The following SEMA3A variants were observed in gnomAD, a reference collection of about 807,000 sequenced individuals.
SEMA3A encodes semaphorin-3A.
SEMA3A carries 29 observed loss-of-function variants against 97.9 expected under a neutral mutation model. The observed-to-expected ratio is 0.30, with a 90% CI of 0.22 to 0.40. The LOEUF (loss-of-function observed/expected upper bound fraction) is 0.40. Among genes scored for constraint, SEMA3A ranks in the 10% least tolerant of loss-of-function variants. The pLI is 1.00. For missense variants in SEMA3A, 763 were observed against 951.3 expected, an observed-to-expected ratio of 0.80 and a Z score of 2.60; for synonymous variants, 321 against 323.7, an observed-to-expected ratio of 0.99 and a Z score of 0.09.
At chr7:84,251,879 T>C (rs1272342614) in intron 3 of SEMA3A, among the ~76,000 whole-genome samples, 1 of 150,994 alleles carries the variant, frequency 6.6e-6, no homozygotes, top group Non-Finnish European at 1.5e-5. Context: ...ATTAATATAA[T>C]CACTAATGTG....
intron 2 of SEMA3A, among the ~76,000 whole-genome samples, chr7:84,356,420 A>G (rs758103579): frequency 4.6e-5 from 7 of 151,538 alleles, no homozygotes; most frequent in African/African-American, 1.7e-4. Context: ...ATAGCACTCT[A>G]CTTTTTAACA....
chr7:84,123,995 C>T (rs1223077032), intron 3 of SEMA3A, among the ~76,000 whole-genome samples: 2 of 151,964 alleles, frequency 1.3e-5, no homozygotes, highest in Non-Finnish European at 2.9e-5. Context: ...TATATTATCC[C>T]AGCTGCATGA....
At chr7:84,297,234 C>T (rs184449299) in intron 3 of SEMA3A, among the ~76,000 whole-genome samples, 55 of 152,252 alleles carry the variant, frequency 3.6e-4, no homozygotes, top group African/African-American at 1.3e-3. Flanking sequence ...GCCTTGGCCT[C>T]CCAAAGTTCT....
intron 3 of SEMA3A, among the ~76,000 whole-genome samples, chr7:84,206,739 C>G (rs1388458258): frequency 6.6e-6 from 1 of 152,028 alleles, no homozygotes. Context: ...CCAGCCCAGC[C>G]TCCCAAAGTG....
chr7:84,337,843 A>G (rs1802074957), intron 2 of SEMA3A, among the ~76,000 whole-genome samples: 1 of 152,230 alleles, frequency 6.6e-6, no homozygotes, highest in Non-Finnish European at 1.5e-5. Context: ...AGAAAGAACA[A>G]AAGCATACAT....
chr7:84,136,444 T>G (rs1796127021), intron 1 of SEMA3A, among the ~76,000 whole-genome samples: 1 of 152,218 alleles, frequency 6.6e-6, no homozygotes, highest in Non-Finnish European at 1.5e-5. Context: ...CCTATCCCAG[T>G]ACTTCTCATG....
At chr7:84,217,237 A>T (rs1798772627) in intron 3 of SEMA3A, among the ~76,000 whole-genome samples, 1 of 152,218 alleles carries the variant, frequency 6.6e-6, no homozygotes, top group African/African-American at 2.4e-5. Flanking sequence ...TCAAGCAAAA[A>T]TTAATTAATT....
intron 1 of SEMA3A, among the ~76,000 whole-genome samples, chr7:84,395,291 C>G (rs1803696422): frequency 6.6e-6 from 1 of 151,714 alleles, no homozygotes; most frequent in Non-Finnish European, 1.5e-5. Flanking sequence ...AATGCAAAAT[C>G]TACACTAAAA....
At chr7:84,425,836 A>T (rs994257563) in intron 1 of SEMA3A, among the ~76,000 whole-genome samples, 3 of 120,716 alleles carry the variant, frequency 2.5e-5, no homozygotes, top group Admixed American at 1.0e-4. Context: ...TATATATATA[A>T]TATATAATGT....
At chr7:84,022,073 A>AATT (rs1329009231) in intron 6 of SEMA3A, among the ~76,000 whole-genome samples, 1 of 152,164 alleles carries the variant, frequency 6.6e-6, no homozygotes, top group Non-Finnish European at 1.5e-5. Flanking sequence ...AATTCTTCAG[A>AATT]ATTAGATTTT....
intron 3 of SEMA3A, among the ~76,000 whole-genome samples, chr7:84,237,736 A>G (rs1243478062): frequency 2.6e-5 from 4 of 152,116 alleles, no homozygotes; most frequent in Non-Finnish European, 5.9e-5. Flanking sequence ...CTGAGTTTCA[A>G]TCACAGAACA....
chr7:84,116,013 GAA>G (rs1468271779), intron 3 of SEMA3A, among the ~76,000 whole-genome samples: 2 of 152,094 alleles, frequency 1.3e-5, no homozygotes, highest in Non-Finnish European at 2.9e-5. Flanking sequence ...AAAGAGAGAT[GAA>G]CTGCATCTTT....
chr7:84,091,374 A>AAGGG, intron 4 of SEMA3A, among the ~76,000 whole-genome samples: 1 of 151,204 alleles, frequency 6.6e-6, no homozygotes, highest in Non-Finnish European at 1.5e-5. Context: ...GAAAGGAAGG[A>AAGGG]AGGAAGGAAA....
At chr7:84,327,557 G>C (rs1035320983) in intron 2 of SEMA3A, among the ~76,000 whole-genome samples, 1 of 151,856 alleles carries the variant, frequency 6.6e-6, no homozygotes. Context: ...GAATGCATGA[G>C]AGCATGAAAA....
intron 15 of SEMA3A, among the ~76,000 whole-genome samples, chr7:83,975,946 G>C (rs369373066): frequency 6.6e-6 from 1 of 152,098 alleles, no homozygotes; most frequent in Non-Finnish European, 1.5e-5. Flanking sequence ...AGGGACAGTC[G>C]TAACATTTAC....
intron 1 of SEMA3A, among the ~76,000 whole-genome samples, chr7:84,152,190 G>A (rs566765514): frequency 6.6e-6 from 1 of 151,584 alleles, no homozygotes; most frequent in African/African-American, 2.4e-5. Flanking sequence ...TCCCATTACT[G>A]GGTATATACC....
chr7:84,268,249 ATGTGTGTGTGTGTGTGTGTG>A (rs66460940), intron 3 of SEMA3A, among the ~76,000 whole-genome samples: 1 of 130,948 alleles, frequency 7.6e-6, no homozygotes, highest in Non-Finnish European at 1.7e-5. Context: ...AGACATAAGC[ATGTGTGTGTGTGTGTGTGTG>A]TGTGTGTGTG....
chr7:84,195,164 G>A (rs902764603), upstream of SEMA3A: 1 of 152,114 alleles, frequency 6.6e-6, no homozygotes, highest in Non-Finnish European at 1.5e-5. Context: ...GGGAGAACAG[G>A]CGAGCTCAAC....
At chr7:84,406,762 A>C (rs1804102331) in intron 1 of SEMA3A, among the ~76,000 whole-genome samples, 1 of 152,216 alleles carries the variant, frequency 6.6e-6, no homozygotes, top group Non-Finnish European at 1.5e-5. Context: ...AAAATCAATA[A>C]ACATAATCCA....
Sources: allele counts gnomAD v4.1 joint callset (sites outside exome capture counted in the v4.1 genomes callset), GRCh38; gene constraint gnomAD v4.1.1; transcripts MANE v1.5; gene names NCBI Gene and HGNC (gene_info 2026-07-23, HGNC 2026-07-21).